Variants in GABRA1 observed in about 807,000 individuals in gnomAD.
The protein encoded by GABRA1 is gamma-aminobutyric acid receptor subunit alpha-1.
In GABRA1, 9 loss-of-function variants were observed where a neutral mutation model predicts 48.9. The observed-to-expected ratio is 0.18, with a 90% CI of 0.11 to 0.32. The LOEUF is 0.32. Among genes scored for constraint, GABRA1 ranks in the 10% least tolerant of loss-of-function variants. The pLI is 1.00. For missense variants in GABRA1, 285 were observed against 553.8 expected (o/e 0.51, Z 4.87); for synonymous variants, 210 against 198.7 (o/e 1.06, Z -0.48).
At chr5:161,895,326 A>G (rs1363758549) in intron 8 of GABRA1, among the ~76,000 whole-genome samples, 2 of 152,118 alleles carry the variant, frequency 1.3e-5, no homozygotes, top group Non-Finnish European at 1.5e-5. Flanking sequence ...TGATTTCTAT[A>G]TCAAGAACTA....
chr5:161,890,827 A>T, intron 7 of GABRA1, 71 bp from the exon 8 acceptor site: 1 of 1,383,474 alleles, frequency 7.2e-7, no homozygotes, highest in Non-Finnish European at 1.0e-6. Flanking sequence ...TTTGGTACTC[A>T]TAGTAAACCT....
chr5:161,871,629 T>A (rs554809972), intron 4 of GABRA1, among the ~76,000 whole-genome samples: 1 of 152,320 alleles, frequency 6.6e-6, no homozygotes, highest in African/African-American at 2.4e-5. Context: ...GTGCCCAAGC[T>A]TAAACAGTCC....
chr5:161,888,174 A>G (rs1178978509), intron 7 of GABRA1, among the ~76,000 whole-genome samples: 7 of 152,140 alleles, frequency 4.6e-5, no homozygotes, highest in Non-Finnish European at 1.0e-4. Flanking sequence ...TGAAGGAGGG[A>G]AAATAATTTG....
chr5:161,874,059 G>A (rs1754238983), intron 5 of GABRA1, among the ~76,000 whole-genome samples: 1 of 152,146 alleles, frequency 6.6e-6, no homozygotes, highest in African/African-American at 2.4e-5. Context: ...ATTCTTGAGA[G>A]CAGCAGTAAT....
chr5:161,858,769 C>T (rs1757745267), intron 3 of GABRA1, among the ~76,000 whole-genome samples: 2 of 151,720 alleles, frequency 1.3e-5, no homozygotes, highest in African/African-American at 2.4e-5. Context: ...CGAAGAAAGA[C>T]CTTTTCATCC....
chr5:161,850,605 G>A (rs1009351657), intron 1 of GABRA1, 191 bp from the exon 2 acceptor site: 8 of 615,044 alleles, frequency 1.3e-5, no homozygotes, highest in Non-Finnish European at 2.3e-5. Context: ...ATATATTTCT[G>A]AATGGAGAAA....
intron 3 of GABRA1, among the ~76,000 whole-genome samples, chr5:161,861,585 A>T (rs538898878): frequency 0.047 from 7,109 of 151,908 alleles, 206 homozygotes; most frequent in African/African-American, 0.074. Flanking sequence ...GTCTACCCCC[A>T]TATCTAGACT....
At chr5:161,896,102 C>A (rs1387908040) in intron 9 of GABRA1, among the ~76,000 whole-genome samples, 1 of 152,092 alleles carries the variant, frequency 6.6e-6, no homozygotes, top group Non-Finnish European at 1.5e-5. Context: ...GGAAGGCAAA[C>A]ATTTCTAGTC....
intron 4 of GABRA1, among the ~76,000 whole-genome samples, chr5:161,871,615 T>C (rs761481941): frequency 6.6e-5 from 10 of 152,198 alleles, no homozygotes; most frequent in Non-Finnish European, 1.3e-4. Flanking sequence ...GAGTTTTTCT[T>C]ACAGTGCCCA....
chr5:161,850,757 T>C (rs764113851), intron 1 of GABRA1, 39 bp from the exon 2 acceptor site: 6 of 1,549,942 alleles, frequency 3.9e-6, no homozygotes, highest in Non-Finnish European at 3.6e-6. Flanking sequence ...CTGATGTTTC[T>C]TGCTAGAGAC....
intron 2 of GABRA1, among the ~76,000 whole-genome samples, chr5:161,851,536 A>G (rs1400076968): frequency 2.0e-5 from 3 of 152,164 alleles, no homozygotes; most frequent in African/African-American, 7.2e-5. Context: ...TTAATATAAT[A>G]GAAACTATTT....
intron 7 of GABRA1, 70 bp from the exon 8 acceptor site, chr5:161,890,828 T>C (rs899244435): frequency 7.2e-7 from 1 of 1,391,942 alleles, no homozygotes; most frequent in South Asian, 1.2e-5. Context: ...TTGGTACTCA[T>C]AGTAAACCTC....
At chr5:161,869,618 A>G (rs953189198) in intron 4 of GABRA1, among the ~76,000 whole-genome samples, 2 of 152,202 alleles carry the variant, frequency 1.3e-5, no homozygotes, top group Admixed American at 6.5e-5. Flanking sequence ...TTAAGTCAAA[A>G]TACACACAGA....
At chr5:161,855,540 A>T (rs1757614550) in intron 3 of GABRA1, among the ~76,000 whole-genome samples, 1 of 151,506 alleles carries the variant, frequency 6.6e-6, no homozygotes, top group African/African-American at 2.4e-5. Context: ...TTTTTAGAAA[A>T]AATTCTTTAA....
At chr5:161,874,417 A>T (rs1050084726) in intron 5 of GABRA1, among the ~76,000 whole-genome samples, 2 of 151,410 alleles carry the variant, frequency 1.3e-5, no homozygotes, top group Non-Finnish European at 2.9e-5. Flanking sequence ...TCTAAGCAGG[A>T]CCTATTCGTA....
intron 9 of GABRA1, among the ~76,000 whole-genome samples, chr5:161,896,089 T>C (rs1755354837): frequency 6.6e-6 from 1 of 151,948 alleles, no homozygotes; most frequent in Non-Finnish European, 1.5e-5. Flanking sequence ...TAAAGGAGAG[T>C]CAGGAAGGCA....
intron 8 of GABRA1, among the ~76,000 whole-genome samples, chr5:161,893,108 A>G (rs1016243965): frequency 7.9e-5 from 12 of 151,452 alleles, no homozygotes; most frequent in Non-Finnish European, 1.5e-4. Flanking sequence ...GTACAACACT[A>G]TATTGGAAAA....
At position 161,892,990 on chromosome 5, in the gene GABRA1, G is replaced by A. The variant is rs937798052; in HGVS notation, c.856+1940G>A. ...CTGCACTCCAGCCTGGAGCAACAGAGCGAGACTCCTTCTCAAAAAAATAAT... is the reference window on the plus strand; with the variant it reads ...CTGCACTCCAGCCTGGAGCAACAGAACGAGACTCCTTCTCAAAAAAATAAT... On this transcript the variant is annotated intron_variant, in intron 8 of 9. Transcript: ENST00000393943. Among the ~76,000 whole-genome samples the A allele has an allele frequency of 1.2e-4, 16 of 138,220 alleles. 1 individual carries two copies. Among genetic ancestry groups the A allele is most frequent in the African/African-American group, 4.2e-4 (15 of 35,770 alleles). The allele number at this position is 138,220 out of a possible 152,430, so 90.7% of individuals were successfully genotyped here.
At chr5:161,866,854 G>A (rs1753882325) in intron 4 of GABRA1, among the ~76,000 whole-genome samples, 1 of 152,012 alleles carries the variant, frequency 6.6e-6, no homozygotes, top group South Asian at 2.1e-4. Flanking sequence ...ATGCCAACTG[G>A]ACAAAGAAAA....
Sources: allele counts gnomAD v4.1 joint callset (sites outside exome capture counted in the v4.1 genomes callset), GRCh38; gene constraint gnomAD v4.1.1; transcripts MANE v1.5; gene names NCBI Gene and HGNC (gene_info 2026-07-23, HGNC 2026-07-21).